The following NALCN variants were observed in gnomAD, a reference collection of about 807,000 sequenced individuals.
NALCN encodes sodium leak channel, non-selective.
NALCN carries 111 observed loss-of-function variants against 225.3 expected under a neutral mutation model. That is an observed-to-expected ratio of 0.49 (90% confidence interval 0.42 to 0.58). The LOEUF (loss-of-function observed/expected upper bound fraction) is 0.58. Ranked by LOEUF, NALCN falls within the 20% of genes least tolerant of loss-of-function variation. The pLI is 0.00. For missense variants in NALCN, 1,378 were observed against 2,202.4 expected, an observed-to-expected ratio of 0.63 and a Z score of 7.49; for synonymous variants, 764 against 769.0, an observed-to-expected ratio of 0.99 and a Z score of 0.11.
At chr13:101,225,787 T>C (rs1228471500) in intron 13 of NALCN, among the ~76,000 whole-genome samples, 1 of 152,216 alleles carries the variant, frequency 6.6e-6, no homozygotes, top group Non-Finnish European at 1.5e-5. Context: ...AATACATTCT[T>C]GGTTTAGAAA....
At chr13:101,131,158 T>A (rs983044747) in intron 17 of NALCN, among the ~76,000 whole-genome samples, 1 of 152,170 alleles carries the variant, frequency 6.6e-6, no homozygotes. Context: ...TTCTGGCACC[T>A]CATTTCTGAG....
At chr13:101,163,230 G>A (rs1405476907) in intron 15 of NALCN, among the ~76,000 whole-genome samples, 1 of 151,904 alleles carries the variant, frequency 6.6e-6, no homozygotes, top group Non-Finnish European at 1.5e-5. Context: ...TAATTGAAGG[G>A]TTACCTTGCA....
chr13:101,227,317 T>G (rs1331611280), intron 13 of NALCN, among the ~76,000 whole-genome samples: 1 of 152,066 alleles, frequency 6.6e-6, no homozygotes, highest in African/African-American at 2.4e-5. Flanking sequence ...CACTTAAACA[T>G]CGTATGTAAG....
At chr13:101,065,247 G>T (rs536081649) in intron 40 of NALCN, among the ~76,000 whole-genome samples, 157 bp downstream of exon 40, 1 of 152,298 alleles carries the variant, frequency 6.6e-6, no homozygotes, top group Admixed American at 6.5e-5. Flanking sequence ...GCAGGAAAGG[G>T]CACTTAGCGC....
At chr13:101,137,547 AAATCTTACCAGAATGACCT>A (rs2036862283) in intron 17 of NALCN, among the ~76,000 whole-genome samples, 1 of 152,198 alleles carries the variant, frequency 6.6e-6, no homozygotes, top group Admixed American at 6.5e-5. Context: ...ACGGAAGAGT[AAATCTTACCAGAATGACCT>A]AATTTACTTC....
chr13:101,160,100 A>T (rs34742766), intron 15 of NALCN, among the ~76,000 whole-genome samples: 1 of 151,300 alleles, frequency 6.6e-6, no homozygotes, highest in East Asian at 2.0e-4. Flanking sequence ...GACTACAGGT[A>T]CACACCACCA....
intron 14 of NALCN, 125 bp downstream of exon 14, chr13:101,191,792 C>T: frequency 1.1e-6 from 1 of 900,204 alleles, no homozygotes; most frequent in Non-Finnish European, 1.6e-6. Flanking sequence ...GGATCTCATC[C>T]AACCAGATTA....
intron 7 of NALCN, among the ~76,000 whole-genome samples, chr13:101,333,424 G>A (rs1459944606): frequency 6.6e-6 from 1 of 152,188 alleles, no homozygotes; most frequent in Non-Finnish European, 1.5e-5. Flanking sequence ...CTAAGGGAGT[G>A]AGAGCTGAGG....
chr13:101,318,602 G>A lies in NALCN; in HGVS notation c.800-26236C>T, dbSNP rs186664591. Reference sequence around the variant, plus strand: ...TGACTTGGCTCTTGAGCAGAAAAATGTAATTAATTCCCAGATATGTGTACT... The same window carrying A: ...TGACTTGGCTCTTGAGCAGAAAAATATAATTAATTCCCAGATATGTGTACT... On this transcript the variant is annotated intron_variant, in intron 7 of 43. Transcript: ENST00000251127. 7.9e-5 allele frequency among the ~76,000 whole-genome samples: 12 copies of A among 152,282 alleles called. No individual in the cohort carries two copies. In the East Asian group the frequency reaches 1.7e-3, roughly 22 times the overall value.
At position 101,083,721 on chromosome 13, in the gene NALCN, C is replaced by T. The variant is rs551457526; in HGVS notation, c.3573G>A (p.Pro1191=). Residue 1191 remains proline (P), a synonymous_variant, in exon 31 of 44, where the codon CCG becomes CCA. Transcript: ENST00000251127. ...RLKIAQPLHL[P]PRPDNDGFRA... is the part of the protein sequence containing the mutation. ...GAGCATTTTGGGTACCCGGGCGAGG[C>T]GGAAGATGAAGAGGCTGTGCGATCT... The T allele has an allele frequency of 1.1e-5, 18 of 1,613,320 alleles. No individual in the cohort carries two copies. Among genetic ancestry groups the T allele is most frequent in the East Asian group, 6.7e-5 (3 of 44,854 alleles).
At chr13:101,363,646 G>A (rs2046307664) in intron 6 of NALCN, among the ~76,000 whole-genome samples, 1 of 152,044 alleles carries the variant, frequency 6.6e-6, no homozygotes, top group Non-Finnish European at 1.5e-5. Flanking sequence ...AAAACATTGG[G>A]TAAATGCTCC....
chr13:101,326,230 C>T (rs999764483), intron 7 of NALCN, among the ~76,000 whole-genome samples: 5 of 152,146 alleles, frequency 3.3e-5, no homozygotes, highest in African/African-American at 9.7e-5. Flanking sequence ...AATGAAAATG[C>T]AATGCCATCC....
At chr13:101,056,758 G>T (rs1210508049) in intron 43 of NALCN, among the ~76,000 whole-genome samples, 1 of 152,088 alleles carries the variant, frequency 6.6e-6, no homozygotes, top group Non-Finnish European at 1.5e-5. Context: ...CTCTGTCATA[G>T]ACAATTCCCT....
intron 13 of NALCN, among the ~76,000 whole-genome samples, chr13:101,221,359 C>T (rs932801388): frequency 1.3e-5 from 2 of 152,030 alleles, no homozygotes; most frequent in Non-Finnish European, 2.9e-5. Flanking sequence ...CCTCATGATC[C>T]GCCCACCTCA....
intron 28 of NALCN, among the ~76,000 whole-genome samples, chr13:101,093,512 C>A (rs9554753): frequency 0.33 from 49,756 of 152,084 alleles, 8,706 homozygotes; most frequent in East Asian, 0.49. Context: ...GACAAGAGCA[C>A]TTGTGATGAT....
chr13:101,124,475 G>C lies in NALCN; in HGVS notation c.2192+133C>G, dbSNP rs1358122168. On this transcript the variant is annotated intron_variant, in intron 18 of 43. Coordinates refer to ENST00000251127, the MANE Select transcript of NALCN (RefSeq NM_052867.4). ...CTTTTACATTGTTTATAAGTACATA[G>C]ATACTCAAAGCTACTTTCTGGCAGA... The C allele has an allele frequency of 6.6e-6, 5 of 762,822 alleles. No individual in the cohort carries two copies. The East Asian group carries it at 1.3e-4, about 20-fold the overall frequency. The allele number at this position is 762,822 out of a possible 1,614,324, so 47.3% of individuals were successfully genotyped here.
At chr13:101,288,777 G>A (rs1470481368) in intron 9 of NALCN, among the ~76,000 whole-genome samples, 1 of 152,184 alleles carries the variant, frequency 6.6e-6, no homozygotes, top group Non-Finnish European at 1.5e-5. Flanking sequence ...TGTATTGACT[G>A]TCAGAAGCCT....
chr13:101,178,350 TC>T (rs1170154006), intron 14 of NALCN, among the ~76,000 whole-genome samples: 14 of 152,152 alleles, frequency 9.2e-5, no homozygotes, highest in Admixed American at 1.3e-4. Context: ...CAAACATGAA[TC>T]TAAAAAAAGG....
chr13:101,261,843 T>C (rs1374992786), intron 10 of NALCN, among the ~76,000 whole-genome samples: 2 of 152,214 alleles, frequency 1.3e-5, no homozygotes, highest in Non-Finnish European at 2.9e-5. Flanking sequence ...TTAATCTTTC[T>C]CTTGTCCTAT....
Sources: gnomAD v4.1 joint callset for allele counts (sites outside exome capture counted in the v4.1 genomes callset) on GRCh38, gnomAD v4.1.1 for gene constraint, MANE v1.5 for transcripts, NCBI Gene and HGNC (gene_info 2026-07-23, HGNC 2026-07-21) for gene names.